CTNNA2: variants seen among roughly 807,000 people sequenced by gnomAD.
CTNNA2 encodes the protein catenin alpha 2.
CTNNA2 carries 42 observed loss-of-function variants against 101.0 expected under a neutral mutation model. The ratio of observed to expected loss-of-function variants is 0.42; its 90% CI spans 0.32 to 0.54. The LOEUF (loss-of-function observed/expected upper bound fraction) is 0.54. CTNNA2 is among the 20% of genes least tolerant of loss of function. The pLI is 0.14. For synonymous variants in CTNNA2, 450 were observed against 456.4 expected, an observed-to-expected ratio of 0.99 and a Z score of 0.18; for missense variants, 871 against 1,223.1, an observed-to-expected ratio of 0.71 and a Z score of 4.29.
At chr2:80,393,681 A>C (rs1431784064) in intron 8 of CTNNA2, among the ~76,000 whole-genome samples, 1 of 152,234 alleles carries the variant, frequency 6.6e-6, no homozygotes, top group Non-Finnish European at 1.5e-5. Flanking sequence ...CTAATGGTTA[A>C]TGAGAAATAC....
At chr2:79,731,437 C>T (rs1347898618) in intron 2 of CTNNA2, among the ~76,000 whole-genome samples, 1 of 151,980 alleles carries the variant, frequency 6.6e-6, no homozygotes, top group Admixed American at 6.6e-5. Context: ...TTTTCTGTAT[C>T]CTGAATTAAA....
At chr2:79,551,271 T>C (rs1021889924) in intron 1 of CTNNA2, among the ~76,000 whole-genome samples, 2 of 152,024 alleles carry the variant, frequency 1.3e-5, no homozygotes, top group Non-Finnish European at 2.9e-5. Flanking sequence ...CCTCAGTATT[T>C]AAAGGGGAAA....
intron 7 of CTNNA2, among the ~76,000 whole-genome samples, chr2:80,191,470 A>G (rs990569000): frequency 6.6e-6 from 1 of 152,184 alleles, no homozygotes; most frequent in Non-Finnish European, 1.5e-5. Flanking sequence ...GATTGACTTC[A>G]ATTTAGATGA....
intron 7 of CTNNA2, among the ~76,000 whole-genome samples, chr2:80,017,893 T>C (rs1012688940): frequency 2.6e-5 from 4 of 150,982 alleles, no homozygotes; most frequent in African/African-American, 9.7e-5. Flanking sequence ...TTAACTTACT[T>C]GAACCTCAGA....
intron 7 of CTNNA2, among the ~76,000 whole-genome samples, chr2:80,277,580 T>C (rs575917268): frequency 5.8e-4 from 72 of 124,912 alleles, no homozygotes; most frequent in African/African-American, 2.0e-3. Flanking sequence ...AAAATGGACT[T>C]CAACCAAACC....
rs113285158 is a variant in CTNNA2 at position 80,217,768 on chromosome 2, A to G, written c.1057-175443A>G. On this transcript the variant is annotated intron_variant, in intron 7 of 18. Transcript: ENST00000402739. ...TGCAGAACCCAGGCTAGTAGCAGAT[A>G]ATAGCAGAGCCACTGTGGTTGAAAT... 5.7e-3 allele frequency among the ~76,000 whole-genome samples: 865 copies of G among 152,340 alleles called. 7 individuals are homozygous for G. Among genetic ancestry groups the G allele is most frequent in the African/African-American group, 0.02 (824 of 41,576 alleles).
Position 80,423,889 on chromosome 2 carries a change from A to T in CTNNA2, c.1290+4288A>T, listed in dbSNP as rs567474111. ...CAATAAAAAGGTGGCCCCTCTTATC[A>T]GTTTGCCCATTTTGGGGACAAAAGG... On this transcript the variant is annotated intron_variant, in intron 9 of 18. Coordinates refer to ENST00000402739, the MANE Select transcript of CTNNA2 (RefSeq NM_001282597.3). 3.2e-4 allele frequency among the ~76,000 whole-genome samples: 48 copies of T among 152,294 alleles called. 1 individual carries two copies. In the South Asian group the frequency reaches 9.5e-3, roughly 30 times the overall value.
chr2:79,451,982 A>G (rs182728514), intron 4 of CTNNA2, among the ~76,000 whole-genome samples: 8 of 152,084 alleles, frequency 5.3e-5, no homozygotes, highest in Admixed American at 5.2e-4. Context: ...TGGAATGATT[A>G]TTTCCTTTAC....
At chr2:80,352,430 A>T (rs1298040434) in intron 7 of CTNNA2, among the ~76,000 whole-genome samples, 1 of 152,138 alleles carries the variant, frequency 6.6e-6, no homozygotes, top group Non-Finnish European at 1.5e-5. Flanking sequence ...GCTGGTCAGT[A>T]TTCATATTAA....
chr2:79,970,441 G>T (rs559153889), intron 7 of CTNNA2, among the ~76,000 whole-genome samples: 2 of 152,054 alleles, frequency 1.3e-5, no homozygotes, highest in Non-Finnish European at 2.9e-5. Flanking sequence ...CTAGAATACT[G>T]TACCTATTCT....
At chr2:79,342,651 A>T (rs73940509) in intron 3 of CTNNA2, among the ~76,000 whole-genome samples, 1 of 152,218 alleles carries the variant, frequency 6.6e-6, no homozygotes, top group East Asian at 1.9e-4. Context: ...TACACTACTC[A>T]TAATTAAACA....
At chr2:80,619,357 C>T (rs1363026730) in intron 18 of CTNNA2, 129 bp downstream of exon 18, 3 of 1,026,426 alleles carry the variant, frequency 2.9e-6, no homozygotes, top group Non-Finnish European at 3.9e-6. Context: ...CAACTTTGGG[C>T]AAAGGACTTA....
intron 7 of CTNNA2, among the ~76,000 whole-genome samples, chr2:79,948,836 C>T (rs1397679469): frequency 1.3e-5 from 2 of 152,052 alleles, no homozygotes; most frequent in African/African-American, 2.4e-5. Flanking sequence ...GGCGTGGTGA[C>T]GGGTGCCTGT....
At chr2:79,396,379 G>A (rs184699427) in intron 4 of CTNNA2, among the ~76,000 whole-genome samples, 5 of 152,066 alleles carry the variant, frequency 3.3e-5, no homozygotes, top group Admixed American at 2.0e-4. Context: ...AGCTGGTCTC[G>A]AACTCCTGAC....
intron 7 of CTNNA2, among the ~76,000 whole-genome samples, chr2:80,387,613 A>G (rs1677136983): frequency 6.6e-6 from 1 of 152,202 alleles, no homozygotes. Context: ...ATTTCTGTTA[A>G]TGGCTTAATC....
At chr2:80,492,018 T>C (rs921531879) in intron 9 of CTNNA2, among the ~76,000 whole-genome samples, 2 of 152,150 alleles carry the variant, frequency 1.3e-5, no homozygotes, top group Non-Finnish European at 1.5e-5. Context: ...CTATTTTTTG[T>C]CTGGGAATGG....
At chr2:79,252,553 A>T (rs1674786450) in intron 2 of CTNNA2, among the ~76,000 whole-genome samples, 1 of 152,072 alleles carries the variant, frequency 6.6e-6, no homozygotes, top group Admixed American at 6.6e-5. Context: ...CACTTAGCCA[A>T]TTTCCCAGGA....
chr2:79,624,980 C>T (rs1029206874), intron 1 of CTNNA2, among the ~76,000 whole-genome samples: 5 of 151,822 alleles, frequency 3.3e-5, no homozygotes, highest in Admixed American at 6.6e-5. Context: ...TGTGATACTG[C>T]GTTGAGAGCA....
At chr2:79,633,359 A>G (rs1679818093) in intron 1 of CTNNA2, among the ~76,000 whole-genome samples, 1 of 152,214 alleles carries the variant, frequency 6.6e-6, no homozygotes, top group Non-Finnish European at 1.5e-5. Flanking sequence ...AACCTTTCCC[A>G]GAAGTCCCCA....
Sources: allele counts gnomAD v4.1 joint callset (sites outside exome capture counted in the v4.1 genomes callset), GRCh38; gene constraint gnomAD v4.1.1; transcripts MANE v1.5; gene names NCBI Gene and HGNC (gene_info 2026-07-23, HGNC 2026-07-21).